Variants in PDGFRB observed in about 807,000 individuals in gnomAD.
PDGFRB encodes the protein platelet derived growth factor receptor beta.
In PDGFRB, 42 loss-of-function variants were observed where a neutral mutation model predicts 120.2. That is an observed-to-expected ratio of 0.35 (90% CI 0.27 to 0.45). The LOEUF (loss-of-function observed/expected upper bound fraction) is 0.45. Ranked by LOEUF, PDGFRB falls within the 20% of genes least tolerant of loss-of-function variation. The pLI is 1.00. For synonymous variants in PDGFRB, 586 were observed against 606.8 expected (o/e 0.97, Z 0.50); for missense variants, 1,149 against 1,476.3 (o/e 0.78, Z 3.63).
In PDGFRB at chr5:150,129,939, A is replaced by G. The variant is rs1760412665; in HGVS notation, c.1397T>C (p.Leu466Pro). ...RCPRELPPTL[L>P]GNSSEEESQL... ...GCTCTCCTCTTCGGAACTGTTCCCC[A>G]GCAGCGTGGGCGGCAGCTCACGTGG... The change falls in exon 10 of 23, where the codon CTG becomes CCG. Residue 466 changes from leucine (L) to proline (P), a missense_variant. Leu to Pro is a moderately conservative substitution (Grantham distance 98). Coordinates refer to ENST00000261799, the MANE Select transcript of PDGFRB (RefSeq NM_002609.4). 2.5e-6 allele frequency: 4 copies of G among 1,613,922 alleles called. No individual in the cohort carries two copies. The highest frequency in any genetic ancestry group is 2.2e-5 in the South Asian group (2 of 91,088).
chr5:150,132,758 C>T lies in PDGFRB; in HGVS notation c.1119G>A (p.Ser373=), dbSNP rs200225593. Residue 373 remains serine (S), a synonymous_variant, in exon 7 of 23, where the codon TCG becomes TCA. Coordinates refer to ENST00000261799, the MANE Select transcript of PDGFRB (RefSeq NM_002609.4). This position sits in a 1 kb window ranked among gnomAD's most constrained non-coding sequence, Gnocchi z 5.0. ...GAGAGCGAGCTGCTCACCGGGTCTC[C>T]GACACGTTGCGCGTGGACAGGGCGA... The part of the protein sequence containing the change: ...GEIALSTRNV[S]ETRYVSELTL... 2.8e-4 allele frequency: 444 copies of T among 1,612,568 alleles called. No individual in the cohort carries two copies. The East Asian group carries it at 6.3e-3, about 23-fold the overall frequency.
chr5:150,147,651 T>A lies in PDGFRB; in HGVS notation c.-7+7746A>T, dbSNP rs548869435. ...ATTGAGATTCCCCTCAGAGCCCTCCTGGGCGGCAGAGCAGGAGGGCAGAGA... is the reference window on the plus strand; with the variant it reads ...ATTGAGATTCCCCTCAGAGCCCTCCAGGGCGGCAGAGCAGGAGGGCAGAGA... On this transcript the variant is annotated intron_variant, in intron 1 of 22. Transcript: ENST00000261799. Among the ~76,000 whole-genome samples the A allele has an allele frequency of 1.1e-4, 16 of 152,320 alleles. No individual in the cohort carries two copies. The East Asian group carries it at 1.9e-3, about 18-fold the overall frequency.
intron 1 of PDGFRB, among the ~76,000 whole-genome samples, chr5:150,152,977 G>A (rs1305233035): frequency 6.6e-6 from 1 of 152,246 alleles, no homozygotes; most frequent in Non-Finnish European, 1.5e-5. Flanking sequence ...CAGTCAGCCA[G>A]AAACTGACTC....
rs1202490846 is a variant in PDGFRB, at chr5:150,120,826, G to A, written c.2586+62C>T. 2.0e-6 allele frequency: 3 copies of A among 1,524,152 alleles called. No individual in the cohort carries two copies. Among genetic ancestry groups the A allele is most frequent in the Admixed American group, 3.4e-5 (2 of 59,132 alleles). 94.4% of individuals were successfully genotyped at this position (1,524,152 alleles called of 1,614,324 possible). The stretch of plus-strand genomic sequence containing the variant: ...AGCTGCAGCCACACTGGTCAGGAGG[G>A]AATCTGTTCCTGCGGTCACAGGCAC... On this transcript the variant is annotated intron_variant, in intron 18 of 22. Transcript: ENST00000261799. This position sits in a 1 kb window ranked among gnomAD's most constrained non-coding sequence, Gnocchi z 4.3.
Position 150,120,933 on chromosome 5 carries a change from C to G in PDGFRB, c.2541G>C (p.Leu847=). The G allele has an allele frequency of 6.2e-7, 1 of 1,614,056 alleles. No homozygotes were observed. Among genetic ancestry groups the G allele is most frequent in the Non-Finnish European group, 8.5e-7 (1 of 1,179,952 alleles). ...GKLVKICDFG[L]ARDIMRDSNY... is the part of the protein sequence containing the mutation. ...TCGAGTCCCGCATGATGTCTCGAGC[C>G]AGGCCAAAGTCACAGATCTTGACCA... is the stretch of plus-strand genomic sequence containing the variant. Residue 847 remains leucine, a synonymous_variant, in exon 18 of 23, where the codon CTG becomes CTC. Coordinates refer to ENST00000261799, the MANE Select transcript of PDGFRB (RefSeq NM_002609.4). The surrounding 1 kb of genome is among the most constrained non-coding windows in gnomAD (Gnocchi z 4.3).
In PDGFRB at chr5:150,135,033, C is replaced by T. The variant is rs941070050; in HGVS notation, c.365-17G>A. 7.4e-7 allele frequency: 1 copy of T among 1,357,976 alleles called. No individual in the cohort carries two copies. Among genetic ancestry groups the T allele is most frequent in the Non-Finnish European group, 1.0e-6 (1 of 963,336 alleles). The allele number at this position is 1,357,976 out of a possible 1,614,324, so 84.1% of individuals were successfully genotyped here. On this transcript the variant is annotated splice_polypyrimidine_tract_variant and intron_variant, in intron 3 of 22. Coordinates refer to ENST00000261799, the MANE Select transcript of PDGFRB (RefSeq NM_002609.4). ...CGGTGGGATCTGCCAGGAGTGGAGC[C>T]GTGAATAAATCAGGGGAACTGGGTT...
chr5:150,117,465 T>A (rs1384162203), intron 22 of PDGFRB, among the ~76,000 whole-genome samples, 153 bp downstream of exon 22: 1 of 152,110 alleles, frequency 6.6e-6, no homozygotes. Context: ...CCATTCTGTC[T>A]TCTATTCATT....
chr5:150,148,045 G>A (rs1258004523), intron 1 of PDGFRB, among the ~76,000 whole-genome samples: 1 of 152,208 alleles, frequency 6.6e-6, no homozygotes, highest in Non-Finnish European at 1.5e-5. Context: ...CGCTCCTCAG[G>A]AAGAGGTAGC....
chr5:150,141,783 C>G (rs1760791612), intron 1 of PDGFRB, among the ~76,000 whole-genome samples: 1 of 151,998 alleles, frequency 6.6e-6, no homozygotes, highest in South Asian at 2.1e-4. Flanking sequence ...CGCGCACGTG[C>G]TGAGGGGACG....
In PDGFRB at chr5:150,134,943, G is replaced by T. The variant is rs764023871; in HGVS notation, c.438C>A (p.Thr146=). The T allele has an allele frequency of 1.8e-5, 29 of 1,613,700 alleles. No homozygotes were observed. The highest frequency in any genetic ancestry group is 2.3e-5 in the Non-Finnish European group (27 of 1,179,690). ...GTGGGTCTGTTACTCGGCATGGAAT[G>T]GTGATCTCAGTTATTTCCGTGAGAA... is the stretch of plus-strand genomic sequence containing the variant. The part of the protein sequence containing the change: ...FIFLTEITEI[T]IPCRVTDPQL... Residue 146 remains threonine, a synonymous_variant, in exon 4 of 23, where the codon ACC becomes ACA. Coordinates refer to ENST00000261799, the MANE Select transcript of PDGFRB (RefSeq NM_002609.4).
intron 21 of PDGFRB, 97 bp downstream of exon 21, chr5:150,118,650 C>A: frequency 1.3e-6 from 1 of 788,274 alleles, no homozygotes; most frequent in Non-Finnish European, 2.3e-6. Context: ...AAAGGGTGGT[C>A]CCCTAAATGC....
Position 150,133,684 on chromosome 5 carries a change from G to C in PDGFRB, c.836C>G (p.Pro279Arg), listed in dbSNP as rs1483264770. Residue 279 changes from proline to arginine, a missense_variant, in exon 6 of 23, where the codon CCC becomes CGC. Around this residue, in one of 3 missense-constraint regions of PDGFRB, gnomAD observed 879 missense variants for 1,108.6 expected, o/e 0.79. Transcript: ENST00000261799. ...PYHIRSILHI[P>R]SAELEDSGTY... ...CCCCGAGTCTTCTAACTCGGCACTG[G>C]GGATGTGCAGGATGGAGCGGATGTG... is the stretch of plus-strand genomic sequence containing the variant. 6.2e-7 allele frequency: 1 copy of C among 1,613,508 alleles called. No individual in the cohort carries two copies. Among genetic ancestry groups the C allele is most frequent in the Non-Finnish European group, 8.5e-7 (1 of 1,179,726 alleles).
At position 150,121,949 on chromosome 5, in the gene PDGFRB, C is replaced by A; in HGVS notation, c.2275G>T (p.Gly759Ter). 1 of 1,613,548 alleles carries A rather than the reference C, an allele frequency of 6.2e-7. No individual in the cohort carries two copies. Among genetic ancestry groups the A allele is most frequent in the Non-Finnish European group, 8.5e-7 (1 of 1,179,428 alleles). ...TCGATGTCTGCATATTTGACGTCTC[C>A]TTTCATGTCCAGCATGGGCACATAG... ...VDYVPMLDMK[G>*]DVKYADIESS... Residue 759 changes from glycine to a stop codon, truncating the protein, a stop_gained, in exon 16 of 23, where the codon GGA becomes TGA. Coordinates refer to ENST00000261799, the MANE Select transcript of PDGFRB (RefSeq NM_002609.4). LOFTEE classifies it high-confidence loss of function. The surrounding 1 kb of genome is among the most constrained non-coding windows in gnomAD (Gnocchi z 4.1).
intron 1 of PDGFRB, among the ~76,000 whole-genome samples, chr5:150,151,408 G>C (rs1034898809): frequency 1.3e-5 from 2 of 152,168 alleles, no homozygotes; most frequent in African/African-American, 4.8e-5. Flanking sequence ...CACATTCTCA[G>C]GGTTTACACT....
intron 1 of PDGFRB, among the ~76,000 whole-genome samples, chr5:150,146,918 C>A (rs899485398): frequency 6.6e-6 from 1 of 152,238 alleles, no homozygotes; most frequent in Non-Finnish European, 1.5e-5. Flanking sequence ...GGGAGGCCTG[C>A]CCCGGGTCAC....
At chr5:150,138,958 G>A (rs549066744) in intron 1 of PDGFRB, among the ~76,000 whole-genome samples, 1 of 152,362 alleles carries the variant, frequency 6.6e-6, no homozygotes, top group African/African-American at 2.4e-5. Flanking sequence ...GCCAGGAGAA[G>A]GGAGGTCACT....
chr5:150,135,891 A>T lies in PDGFRB; in HGVS notation c.41-13T>A. The stretch of plus-strand genomic sequence containing the variant: ...AACAGCAGCTCGCCTTTGGGAGAGG[A>T]GGTATCAGACATCAGGAAACAGGGG... On this transcript the variant is annotated splice_polypyrimidine_tract_variant and intron_variant, in intron 2 of 22. Transcript: ENST00000261799. 2.0e-6 allele frequency: 3 copies of T among 1,514,752 alleles called. No homozygotes were observed. The highest frequency in any genetic ancestry group is 2.7e-6 in the Non-Finnish European group (3 of 1,131,440). The allele number at this position is 1,514,752 out of a possible 1,614,324, so 93.8% of individuals were successfully genotyped here.
intron 1 of PDGFRB, among the ~76,000 whole-genome samples, chr5:150,144,641 TGCG>T (rs1227251678): frequency 6.6e-6 from 1 of 152,232 alleles, no homozygotes; most frequent in Non-Finnish European, 1.5e-5. Flanking sequence ...GGGGCAGCGA[TGCG>T]GCTGGCTACT....
Position 150,122,016 on chromosome 5 carries a change from G to A in PDGFRB, c.2208C>T (p.Ser736=), listed in dbSNP as rs776488990. Residue 736 remains serine, a synonymous_variant, in exon 16 of 23, where the codon AGC becomes AGT. Coordinates refer to ENST00000261799, the MANE Select transcript of PDGFRB (RefSeq NM_002609.4). ...LPSHVSLTGE[S]DGGYMDMSKD... is the part of the protein sequence containing the mutation. ...TGCTCATGTCCATGTAGCCACCGTC[G>A]CTCTCCCCGGTCAAGGACACATGGC... 16 of 1,613,346 alleles carry A rather than the reference G, an allele frequency of 9.9e-6. No homozygotes were observed. Among genetic ancestry groups the A allele is most frequent in the Middle Eastern group, 1.7e-4 (1 of 5,738 alleles).
Sources: gnomAD v4.1 joint callset for allele counts (sites outside exome capture counted in the v4.1 genomes callset) on GRCh38, gnomAD v4.1.1 for gene constraint, gnomAD v4.1.1 regional missense constraint, Gnocchi (gnomAD v3.1) non-coding constraint, MANE v1.5 for transcripts, NCBI Gene and HGNC (gene_info 2026-07-23, HGNC 2026-07-21) for gene names.